The following DCP1B variants were observed in gnomAD, a reference collection of about 807,000 sequenced individuals.
The protein encoded by DCP1B is mRNA-decapping enzyme 1B.
A neutral mutation model predicts 60.5 loss-of-function variants in DCP1B; 47 were observed. The ratio of observed to expected loss-of-function variants is 0.78; its 90% CI spans 0.61 to 0.99. The LOEUF (loss-of-function observed/expected upper bound fraction) is 0.99, where lower values mean the gene tolerates loss of function less well. DCP1B is among the 50% of genes least tolerant of loss of function. The pLI is 0.00. For synonymous variants in DCP1B, 267 were observed against 280.3 expected, an observed-to-expected ratio of 0.95 and a Z score of 0.47; for missense variants, 725 against 756.8, an observed-to-expected ratio of 0.96 and a Z score of 0.49.
intron 7 of DCP1B, 38 bp from the exon 8 acceptor site, chr12:1,949,372 G>A (rs755276900): frequency 1.9e-5 from 30 of 1,603,888 alleles, no homozygotes; most frequent in Non-Finnish European, 2.4e-5. Context: ...CGGGGTTCAG[G>A]AGCAGCTCAC....
At chr12:1,946,753 GC>G (rs2154456226) in intron 8 of DCP1B, among the ~76,000 whole-genome samples, 1 of 152,322 alleles carries the variant, frequency 6.6e-6, no homozygotes, top group East Asian at 1.9e-4. Context: ...AAGCTAAAGT[GC>G]AGTAGTGCCA....
chr12:1,995,743 G>A lies in DCP1B; in HGVS notation c.191+2192C>T, dbSNP rs535366207. 4.6e-5 allele frequency among the ~76,000 whole-genome samples: 7 copies of A among 152,328 alleles called. 1 individual carries two copies. The South Asian group carries it at 1.4e-3, about 32-fold the overall frequency. On this transcript the variant is annotated intron_variant, in intron 2 of 8. Coordinates refer to ENST00000280665, the MANE Select transcript of DCP1B (RefSeq NM_152640.5). The stretch of plus-strand genomic sequence containing the variant: ...TTTTATCTTTCCAGCTGACTCATCT[G>A]TATCCTTGCTGGCCCTCAAACCTAA...
At chr12:1,974,395 T>G (rs1049896711) in intron 3 of DCP1B, among the ~76,000 whole-genome samples, 1 of 152,190 alleles carries the variant, frequency 6.6e-6, no homozygotes, top group Non-Finnish European at 1.5e-5. Flanking sequence ...TTAAGTAGTG[T>G]TGATGGGATT....
Position 1,953,271 on chromosome 12 carries a change from G to C in DCP1B, c.669C>G (p.Pro223=). 1 of 1,597,254 alleles carries C rather than the reference G, an allele frequency of 6.3e-7. No homozygotes were observed. The highest frequency in any genetic ancestry group is 8.5e-7 in the Non-Finnish European group (1 of 1,177,482). ...ACAGAGCTGTCAAGGATAAGTGTTG[G>C]GGTTCAGGGTCTAAGGTCTGGAAAA... is the stretch of plus-strand genomic sequence containing the variant. ...PQPNQTLDPE[P]QHLSLTALFG... Residue 223 remains proline (P), a synonymous_variant, in exon 7 of 9, where the codon CCC becomes CCG. Coordinates refer to ENST00000280665, the MANE Select transcript of DCP1B (RefSeq NM_152640.5).
intron 5 of DCP1B, among the ~76,000 whole-genome samples, chr12:1,960,544 C>T (rs11062034): frequency 0.33 from 49,554 of 151,940 alleles, 8,342 homozygotes; most frequent in East Asian, 0.51. Flanking sequence ...TTATTTTTGC[C>T]ACACAAAAAT....
intron 3 of DCP1B, among the ~76,000 whole-genome samples, chr12:1,990,408 A>G (rs969815063): frequency 2.0e-5 from 3 of 152,230 alleles, no homozygotes; most frequent in Admixed American, 2.0e-4. Context: ...TCTGTAATAA[A>G]GTAATCTATT....
At chr12:1,963,980 C>T (rs2031211882) in intron 5 of DCP1B, among the ~76,000 whole-genome samples, 1 of 151,984 alleles carries the variant, frequency 6.6e-6, no homozygotes, top group African/African-American at 2.4e-5. Context: ...TGGTTCCAAC[C>T]ACGTTTATCT....
intron 5 of DCP1B, among the ~76,000 whole-genome samples, chr12:1,956,687 T>C (rs1367999328): frequency 1.3e-5 from 2 of 152,224 alleles, no homozygotes; most frequent in Non-Finnish European, 1.5e-5. Context: ...AATGAGGGTA[T>C]GGCGGCATGG....
chr12:1,956,877 G>A (rs923562869), intron 5 of DCP1B, among the ~76,000 whole-genome samples: 1 of 152,170 alleles, frequency 6.6e-6, no homozygotes, highest in Non-Finnish European at 1.5e-5. Flanking sequence ...CAGAAACACT[G>A]AATTTCCGGC....
At chr12:2,004,100 C>T (rs893778097) in intron 1 of DCP1B, 182 bp downstream of exon 1, 21 of 816,114 alleles carry the variant, frequency 2.6e-5, no homozygotes, top group African/African-American at 2.4e-4. Flanking sequence ...TCCACAGATC[C>T]GCCTTCCTTC....
intron 5 of DCP1B, chr12:1,961,363 A>C (rs1169971365): frequency 2.6e-5 from 4 of 152,254 alleles, no homozygotes; most frequent in Non-Finnish European, 5.9e-5. Flanking sequence ...GTGATCATGC[A>C]GGTGTCCTGG....
chr12:1,971,083 G>C lies in DCP1B; in HGVS notation c.320-3173C>G. ...TCACAATGCTTCGAGCCTTTGTTCA[G>C]CCTGGTACGCCTGCATACCAGCCGC... On this transcript the variant is annotated intron_variant, in intron 3 of 8. Transcript: ENST00000280665. This position sits in a 1 kb window ranked among gnomAD's most constrained non-coding sequence, Gnocchi z 4.2. The C allele has an allele frequency of 7.8e-7, 1 of 1,289,376 alleles. No homozygotes were observed. Among genetic ancestry groups the C allele is most frequent in the South Asian group, 1.2e-5 (1 of 80,990 alleles). The allele number at this position is 1,289,376 out of a possible 1,614,324, so 79.9% of individuals were successfully genotyped here.
chr12:1,946,294 A>G lies in DCP1B; in HGVS notation c.1774-8T>C. On this transcript the variant is annotated splice_region_variant and splice_polypyrimidine_tract_variant and intron_variant, in intron 8 of 8. Transcript: ENST00000280665. The stretch of plus-strand genomic sequence containing the variant: ...TAAGAAGTTGTCATCATTCTGGAAA[A>G]CAAATCGAAAGACCCAAGAGAATGT... The G allele has an allele frequency of 6.3e-7, 1 of 1,595,742 alleles. No homozygotes were observed. Among genetic ancestry groups the G allele is most frequent in the Non-Finnish European group, 8.5e-7 (1 of 1,172,396 alleles).
At chr12:1,992,949 C>G (rs2039819581) in intron 3 of DCP1B, 1 of 594,802 alleles carries the variant, frequency 1.7e-6, no homozygotes, top group Non-Finnish European at 3.0e-6. Context: ...TCTGCAGTCT[C>G]CTCACTAAGA....
At chr12:1,978,436 A>T (rs541216798) in intron 3 of DCP1B, among the ~76,000 whole-genome samples, 1 of 152,350 alleles carries the variant, frequency 6.6e-6, no homozygotes, top group African/African-American at 2.4e-5. Context: ...TGGTTAATAA[A>T]TGTCAGGAAA....
intron 5 of DCP1B, among the ~76,000 whole-genome samples, chr12:1,956,919 T>G (rs2030905629): frequency 6.6e-6 from 1 of 152,242 alleles, no homozygotes; most frequent in Non-Finnish European, 1.5e-5. Flanking sequence ...AGCTTCCCTA[T>G]GCCCATATCC....
At chr12:1,953,973 A>G (rs1328996176) in intron 6 of DCP1B, among the ~76,000 whole-genome samples, 2 of 152,208 alleles carry the variant, frequency 1.3e-5, no homozygotes, top group Admixed American at 6.5e-5. Flanking sequence ...GCTTGAGCTA[A>G]GGAGTTCAAG....
chr12:1,971,218 T>C lies in DCP1B; in HGVS notation c.320-3308A>G, dbSNP rs1361759087. 2.8e-5 allele frequency: 35 copies of C among 1,270,408 alleles called. No individual in the cohort carries two copies. Among genetic ancestry groups the C allele is most frequent in the Non-Finnish European group, 3.6e-5 (35 of 972,428 alleles). The allele number at this position is 1,270,408 out of a possible 1,614,324, so 78.7% of individuals were successfully genotyped here. A position where few individuals can be genotyped will look rare whatever the true frequency, so the allele number is the denominator to read the frequency against. On this transcript the variant is annotated intron_variant, in intron 3 of 8. Transcript: ENST00000280665. The surrounding 1 kb of genome is among the most constrained non-coding windows in gnomAD (Gnocchi z 4.2). ...CTCCTGGAGGTAAGAAACCCTAAAGTGAAATAAAGAGTAGGAAGAACATGT... is the reference window on the plus strand; with the variant it reads ...CTCCTGGAGGTAAGAAACCCTAAAGCGAAATAAAGAGTAGGAAGAACATGT...
intron 3 of DCP1B, among the ~76,000 whole-genome samples, chr12:1,975,820 A>G (rs749300844): frequency 2.6e-5 from 4 of 152,196 alleles, no homozygotes; most frequent in Admixed American, 6.5e-5. Flanking sequence ...CAGATTGTTA[A>G]GTTACATAAG....
Sources: gnomAD v4.1 joint callset for allele counts (sites outside exome capture counted in the v4.1 genomes callset) on GRCh38, gnomAD v4.1.1 for gene constraint, Gnocchi (gnomAD v3.1) non-coding constraint, MANE v1.5 for transcripts, NCBI Gene and HGNC (gene_info 2026-07-23, HGNC 2026-07-21) for gene names.